FNDC1: variants seen among roughly 807,000 people sequenced by gnomAD.
FNDC1 encodes fibronectin type III domain-containing protein 1.
A neutral mutation model predicts 168.0 loss-of-function variants in FNDC1; 96 were observed. That is an observed-to-expected ratio of 0.57 (90% CI 0.48 to 0.68). The LOEUF is 0.68. Ranked by LOEUF, FNDC1 falls within the 30% of genes least tolerant of loss-of-function variation. The pLI, the probability that FNDC1 is intolerant of heterozygous loss-of-function variation, is 0.00. For synonymous variants in FNDC1, 1,099 were observed against 1,025.9 expected (o/e 1.07, Z -1.36); for missense variants, 2,587 against 2,482.1 (o/e 1.04, Z -0.90).
chr6:159,214,073 G>GAACT (rs1225202614), intron 4 of FNDC1, among the ~76,000 whole-genome samples: 1 of 152,164 alleles, frequency 6.6e-6, no homozygotes, highest in African/African-American at 2.4e-5. Context: ...GAATGCTTGG[G>GAACT]AACTAACTGC....
intron 5 of FNDC1, among the ~76,000 whole-genome samples, chr6:159,215,985 G>A (rs1034656762): frequency 6.6e-6 from 1 of 151,094 alleles, no homozygotes; most frequent in African/African-American, 2.4e-5. Flanking sequence ...TTTTTGAGAC[G>A]AAGTCTTGCT....
At chr6:159,181,579 C>G (rs879620340) in intron 1 of FNDC1, among the ~76,000 whole-genome samples, 6 of 152,168 alleles carry the variant, frequency 3.9e-5, no homozygotes, top group Non-Finnish European at 8.8e-5. Flanking sequence ...CTTGGACTTT[C>G]TAATAAACTT....
chr6:159,239,470 T>A, intron 13 of FNDC1, 47 bp from the exon 14 acceptor site: 1 of 1,479,872 alleles, frequency 6.8e-7, no homozygotes. Flanking sequence ...TTATTTTCTC[T>A]GGATTGCTTC....
chr6:159,242,302 G>C (rs1783440453), intron 14 of FNDC1, among the ~76,000 whole-genome samples: 1 of 152,178 alleles, frequency 6.6e-6, no homozygotes, highest in Non-Finnish European at 1.5e-5. Flanking sequence ...TGGACACAGG[G>C]AGGTGAACAA....
chr6:159,183,621 G>A (rs1367143114), intron 1 of FNDC1, among the ~76,000 whole-genome samples: 1 of 152,212 alleles, frequency 6.6e-6, no homozygotes, highest in African/African-American at 2.4e-5. Flanking sequence ...GGGCTCTGCA[G>A]TGCTCTACCA....
chr6:159,241,110 A>G (rs1343233797), intron 14 of FNDC1: 1 of 152,228 alleles, frequency 6.6e-6, no homozygotes, highest in African/African-American at 2.4e-5. Context: ...ACACGTACAG[A>G]GGGAGAGGAA....
At chr6:159,189,267 T>G (rs1030622369) in intron 1 of FNDC1, among the ~76,000 whole-genome samples, 2 of 152,128 alleles carry the variant, frequency 1.3e-5, no homozygotes, top group African/African-American at 4.8e-5. Context: ...CTCTGGTCTC[T>G]TCTCAATGTG....
At chr6:159,211,661 A>G (rs532761186) in intron 4 of FNDC1, among the ~76,000 whole-genome samples, 6 of 152,236 alleles carry the variant, frequency 3.9e-5, no homozygotes, top group African/African-American at 1.4e-4. Context: ...CCACTCAGGT[A>G]GTGAATCTAG....
At chr6:159,212,903 G>T (rs180786354) in intron 4 of FNDC1, among the ~76,000 whole-genome samples, 49 of 152,288 alleles carry the variant, frequency 3.2e-4, no homozygotes, top group African/African-American at 1.1e-3. Flanking sequence ...GGATGAAACT[G>T]GGAATCAGAA....
intron 1 of FNDC1, among the ~76,000 whole-genome samples, chr6:159,178,413 A>G (rs1781810965): frequency 6.6e-6 from 1 of 152,194 alleles, no homozygotes; most frequent in South Asian, 2.1e-4. Flanking sequence ...GGTTGACAGC[A>G]GTAAGGTGGA....
intron 1 of FNDC1, among the ~76,000 whole-genome samples, chr6:159,194,289 C>G (rs1435017389): frequency 6.6e-6 from 1 of 152,170 alleles, no homozygotes; most frequent in Non-Finnish European, 1.5e-5. Flanking sequence ...TCCCAATGTT[C>G]CTTCTATTGG....
chr6:159,264,162 T>C lies in FNDC1; in HGVS notation c.5255-813T>C, dbSNP rs942642935. 3.3e-5 allele frequency among the ~76,000 whole-genome samples: 5 copies of C among 152,340 alleles called. No individual in the cohort carries two copies. The East Asian group carries it at 9.6e-4, about 29-fold the overall frequency. ...GTTGTGCTTATACCCATGAAGCCAT[T>C]GTCACTGTCAAGATAGTGAGCATAT... On this transcript the variant is annotated intron_variant, in intron 19 of 22. Transcript: ENST00000297267.
At chr6:159,265,136 C>T (rs549662987) in intron 20 of FNDC1, 132 bp downstream of exon 20, 3 of 715,594 alleles carry the variant, frequency 4.2e-6, no homozygotes, top group Admixed American at 2.8e-5. Context: ...CTATGCTTTC[C>T]TTGCACTCGT....
rs755021077 is a variant in FNDC1 at position 159,233,498 on chromosome 6, A to G, written c.2986A>G (p.Met996Val). The change falls in exon 11 of 23, where the codon ATG becomes GTG. Residue 996 changes from methionine to valine, a missense_variant. By Grantham distance (21) the Met-to-Val change is conservative. Transcript: ENST00000297267. This position sits in a 1 kb window ranked among gnomAD's most constrained non-coding sequence, Gnocchi z 4.6. ...SQQHPSVPRR[M>V]TPGRAPQQQP... is the part of the protein sequence containing the mutation. ...GCAGCATCCCAGTGTTCCCAGAAGG[A>G]TGACACCCGGCCGGGCCCCACAACA... 1.6e-5 allele frequency: 26 copies of G among 1,603,896 alleles called. No homozygotes were observed. The highest frequency in any genetic ancestry group is 2.1e-5 in the Non-Finnish European group (25 of 1,178,344).
intron 4 of FNDC1, among the ~76,000 whole-genome samples, chr6:159,210,959 G>T (rs952806833): frequency 4.6e-5 from 7 of 152,156 alleles, no homozygotes; most frequent in Admixed American, 3.9e-4. Flanking sequence ...GATGGAGGTG[G>T]GAGGCCAGGT....
chr6:159,226,817 T>G (rs1782963857), intron 9 of FNDC1, among the ~76,000 whole-genome samples: 1 of 152,246 alleles, frequency 6.6e-6, no homozygotes, highest in African/African-American at 2.4e-5. Context: ...TTGGGAAGGA[T>G]GTTTTTCATT....
chr6:159,268,802 A>G lies in FNDC1; in HGVS notation c.5569+876A>G, dbSNP rs545957402. ...CATCTACTTATGTATGTGTGTATCT[A>G]TCTATTCATCTATCTATTCATCTAT... On this transcript the variant is annotated intron_variant, in intron 22 of 22. Coordinates refer to ENST00000297267, the MANE Select transcript of FNDC1 (RefSeq NM_032532.3). Among the ~76,000 whole-genome samples the G allele has an allele frequency of 1.5e-4, 23 of 150,944 alleles. No homozygotes were observed. In the East Asian group the frequency reaches 2.3e-3, roughly 15 times the overall value.
intron 19 of FNDC1, among the ~76,000 whole-genome samples, chr6:159,263,452 C>A (rs116003960): frequency 6.6e-6 from 1 of 152,032 alleles, no homozygotes; most frequent in South Asian, 2.1e-4. Flanking sequence ...TTACCTAGTT[C>A]GTGGCATTTT....
intron 5 of FNDC1, among the ~76,000 whole-genome samples, chr6:159,217,912 A>G (rs1416368865): frequency 6.6e-6 from 1 of 152,036 alleles, no homozygotes; most frequent in South Asian, 2.1e-4. Context: ...TAGAGACTCA[A>G]CCCCCTGAAG....
Sources: allele counts gnomAD v4.1 joint callset (sites outside exome capture counted in the v4.1 genomes callset), GRCh38; gene constraint gnomAD v4.1.1; non-coding constraint Gnocchi (gnomAD v3.1); transcripts MANE v1.5; gene names NCBI Gene and HGNC (gene_info 2026-07-23, HGNC 2026-07-21).